DGKI: variants seen among roughly 807,000 people sequenced by gnomAD.
DGKI encodes the protein DAG kinase iota.
Under a neutral mutation model 147.5 loss-of-function variants are expected in DGKI, and 55 were observed. That is an observed-to-expected ratio of 0.37 (90% confidence interval 0.30 to 0.47). The LOEUF is 0.47. Ranked by LOEUF, DGKI falls within the 20% of genes least tolerant of loss-of-function variation. The pLI is 1.00. For synonymous variants in DGKI, 469 were observed against 477.1 expected (o/e 0.98, Z 0.22); for missense variants, 1,007 against 1,323.8 (o/e 0.76, Z 3.71).
intron 1 of DGKI, among the ~76,000 whole-genome samples, chr7:137,728,068 T>C (rs185455007): frequency 6.6e-6 from 1 of 152,312 alleles, no homozygotes; most frequent in East Asian, 1.9e-4. Context: ...AAAAATTGTC[T>C]AGTGAAAAAT....
intron 8 of DGKI, among the ~76,000 whole-genome samples, chr7:137,618,569 GA>G (rs1363778231): frequency 1.3e-5 from 2 of 151,996 alleles, no homozygotes; most frequent in East Asian, 3.9e-4. Context: ...TCAATGGAAA[GA>G]TGTGGATTTA....
chr7:137,399,209 G>A (rs1215530260), intron 30 of DGKI, among the ~76,000 whole-genome samples: 2 of 151,994 alleles, frequency 1.3e-5, no homozygotes, highest in African/African-American at 4.8e-5. Context: ...CACTTATTTG[G>A]TTCTATCCTC....
At position 137,675,683 on chromosome 7, in the gene DGKI, CAAAAAA is replaced by C. The variant is rs61282606; in HGVS notation, c.606+2868_606+2873del. Among the ~76,000 whole-genome samples, 544 of 107,662 alleles carry C rather than the reference CAAAAAA, an allele frequency of 5.1e-3. 1 individual carries two copies. Among genetic ancestry groups the C allele is most frequent in the African/African-American group, 6.9e-3 (207 of 30,190 alleles). 70.6% of individuals were successfully genotyped at this position (107,662 alleles called of 152,430 possible). A position where few individuals can be genotyped will look rare whatever the true frequency, so the allele number is the denominator to read the frequency against. Reference sequence around the variant, plus strand: ...CTGGGCAGCCGAGCAAGACTACATCCAAAAAAAAAAAAAAAAAAAAAAAATCGGAGA... The same window carrying C: ...CTGGGCAGCCGAGCAAGACTACATCCAAAAAAAAAAAAAAAAAATCGGAGA... On this transcript the variant is annotated intron_variant, in intron 3 of 32. Transcript: ENST00000614521.
chr7:137,667,301 A>C (rs923046456), intron 3 of DGKI, among the ~76,000 whole-genome samples: 1 of 152,120 alleles, frequency 6.6e-6, no homozygotes, highest in Non-Finnish European at 1.5e-5. Flanking sequence ...GCATTCACAA[A>C]TTTCAAGCAG....
chr7:137,600,271 T>C (rs1021814495), intron 10 of DGKI, among the ~76,000 whole-genome samples: 1 of 152,096 alleles, frequency 6.6e-6, no homozygotes, highest in Non-Finnish European at 1.5e-5. Flanking sequence ...AGTGAGTGAA[T>C]GAATGATGAA....
At chr7:137,456,009 T>G (rs1291185750) in intron 27 of DGKI, among the ~76,000 whole-genome samples, 1 of 152,162 alleles carries the variant, frequency 6.6e-6, no homozygotes. Context: ...AAAACAAGAG[T>G]GTTGGTGGAA....
At chr7:137,767,239 T>C (rs1378900931) in intron 1 of DGKI, among the ~76,000 whole-genome samples, 2 of 152,030 alleles carry the variant, frequency 1.3e-5, no homozygotes, top group Non-Finnish European at 2.9e-5. Context: ...AGTACTCAAT[T>C]AGGAAGAAAG....
At chr7:137,704,574 G>T (rs1200623245) in intron 1 of DGKI, among the ~76,000 whole-genome samples, 1 of 152,148 alleles carries the variant, frequency 6.6e-6, no homozygotes, top group Non-Finnish European at 1.5e-5. Flanking sequence ...GAAGAAAAAG[G>T]AAGAGAAAAG....
At chr7:137,722,589 C>T (rs962786696) in intron 1 of DGKI, 45 of 1,573,090 alleles carry the variant, frequency 2.9e-5, no homozygotes, top group Non-Finnish European at 3.6e-5. Context: ...CAACCAAAAT[C>T]GATATCAGCA....
intron 21 of DGKI, among the ~76,000 whole-genome samples, chr7:137,502,501 GA>G (rs1430403654): frequency 3.3e-5 from 5 of 151,782 alleles, no homozygotes; most frequent in African/African-American, 1.2e-4. Flanking sequence ...GAAAATGGAG[GA>G]AAAAGAGAGG....
rs1811153411 is a variant in DGKI at position 137,385,379 on chromosome 7, C to A, written c.*5841G>T. 2 of 152,100 alleles carry A rather than the reference C, an allele frequency of 1.3e-5. No homozygotes were observed. Among genetic ancestry groups the A allele is most frequent in the South Asian group, 4.1e-4 (2 of 4,830 alleles). The allele number at this position is 152,100 out of a possible 1,614,324, so 9.4% of individuals were successfully genotyped here. A position where few individuals can be genotyped will look rare whatever the true frequency, so the allele number is the denominator to read the frequency against. ...TTTAAAATAAAATCCTGCCATTCAACAAAGCCATTAAAAAATATCTTTTGA... is the reference window on the plus strand; with the variant it reads ...TTTAAAATAAAATCCTGCCATTCAAAAAAGCCATTAAAAAATATCTTTTGA... On this transcript the variant is annotated 3_prime_UTR_variant, in exon 33 of 33. Coordinates refer to ENST00000614521, the MANE Select transcript of DGKI (RefSeq NM_001321708.2).
At chr7:137,611,564 T>G (rs1479293512) in intron 8 of DGKI, among the ~76,000 whole-genome samples, 1 of 152,196 alleles carries the variant, frequency 6.6e-6, no homozygotes, top group Non-Finnish European at 1.5e-5. Flanking sequence ...TCAGTGACCT[T>G]GGCCAAGTCA....
chr7:137,731,033 G>A (rs764428631), intron 1 of DGKI, among the ~76,000 whole-genome samples: 2 of 152,054 alleles, frequency 1.3e-5, no homozygotes, highest in East Asian at 1.9e-4. Flanking sequence ...CTACTATTCC[G>A]CCTCAGCCAC....
chr7:137,674,029 T>C (rs966957891), intron 3 of DGKI, among the ~76,000 whole-genome samples: 2 of 152,220 alleles, frequency 1.3e-5, no homozygotes, highest in Non-Finnish European at 1.5e-5. Flanking sequence ...TGGCTGGAAT[T>C]TTATTTCAGG....
chr7:137,387,576 G>A lies in DGKI; in HGVS notation c.*3644C>T, dbSNP rs918183915. The A allele has an allele frequency of 1.3e-5, 2 of 152,084 alleles. No homozygotes were observed. Among genetic ancestry groups the A allele is most frequent in the African/African-American group, 4.8e-5 (2 of 41,410 alleles). 9.4% of individuals were successfully genotyped at this position (152,084 alleles called of 1,614,324 possible). On this transcript the variant is annotated 3_prime_UTR_variant, in exon 33 of 33. Coordinates refer to ENST00000614521, the MANE Select transcript of DGKI (RefSeq NM_001321708.2). Reference sequence around the variant, plus strand: ...TAAATGTCTATATATGTGTGTAAATGTATATGCGTATATACATACATACTT... The same window carrying A: ...TAAATGTCTATATATGTGTGTAAATATATATGCGTATATACATACATACTT...
Position 137,387,872 on chromosome 7 carries a change from G to C in DGKI, c.*3348C>G, listed in dbSNP as rs1811224929. ...TTTTTTAAAGCCATGAATATTATAAGGGGTCTAGTAAATAAATAAATTTCA... is the reference window on the plus strand; with the variant it reads ...TTTTTTAAAGCCATGAATATTATAACGGGTCTAGTAAATAAATAAATTTCA... On this transcript the variant is annotated 3_prime_UTR_variant, in exon 33 of 33. Coordinates refer to ENST00000614521, the MANE Select transcript of DGKI (RefSeq NM_001321708.2). The C allele has an allele frequency of 6.6e-6, 1 of 152,132 alleles. No individual in the cohort carries two copies. Among genetic ancestry groups the C allele is most frequent in the Non-Finnish European group, 1.5e-5 (1 of 68,018 alleles). 9.4% of individuals were successfully genotyped at this position (152,132 alleles called of 1,614,324 possible). A position where few individuals can be genotyped will look rare whatever the true frequency, so the allele number is the denominator to read the frequency against.
intron 3 of DGKI, among the ~76,000 whole-genome samples, chr7:137,674,060 G>A (rs1477921655): frequency 6.6e-6 from 1 of 152,188 alleles, no homozygotes; most frequent in Non-Finnish European, 1.5e-5. Flanking sequence ...CCATAATCAG[G>A]TTGGGAAACA....
intron 1 of DGKI, among the ~76,000 whole-genome samples, chr7:137,789,324 A>T (rs146606404): frequency 3.3e-5 from 5 of 152,226 alleles, no homozygotes; most frequent in African/African-American, 1.2e-4. Context: ...ATAAAATAAA[A>T]ATAAAAAGAC....
intron 1 of DGKI, among the ~76,000 whole-genome samples, chr7:137,700,591 G>A (rs1823943332): frequency 6.6e-6 from 1 of 152,114 alleles, no homozygotes; most frequent in Non-Finnish European, 1.5e-5. Flanking sequence ...AAAATAAAGT[G>A]CCATGGCAGA....
Sources: allele counts gnomAD v4.1 joint callset (sites outside exome capture counted in the v4.1 genomes callset), GRCh38; gene constraint gnomAD v4.1.1; transcripts MANE v1.5; gene names NCBI Gene and HGNC (gene_info 2026-07-23, HGNC 2026-07-21).